VIPR2: variants seen among roughly 807,000 people sequenced by gnomAD.
VIPR2 encodes the protein vasoactive intestinal polypeptide receptor 2.
VIPR2 carries 48 observed loss-of-function variants against 58.0 expected under a neutral mutation model. The observed-to-expected ratio is 0.83, with a 90% CI of 0.66 to 1.05. The LOEUF is 1.05. Ranked by LOEUF, VIPR2 falls within the 50% of genes least tolerant of loss-of-function variation. The pLI is 0.00. For synonymous variants in VIPR2, 243 were observed against 235.2 expected (o/e 1.03, Z -0.30); for missense variants, 534 against 558.0 (o/e 0.96, Z 0.43).
intron 2 of VIPR2, among the ~76,000 whole-genome samples, chr7:159,138,255 G>A (rs1386222939): frequency 6.6e-6 from 1 of 152,198 alleles, no homozygotes; most frequent in Non-Finnish European, 1.5e-5. Flanking sequence ...GACACTGTCT[G>A]GTTTCCTCTG....
chr7:159,091,755 G>T (rs1194608011), intron 4 of VIPR2, among the ~76,000 whole-genome samples: 1 of 152,216 alleles, frequency 6.6e-6, no homozygotes, highest in East Asian at 1.9e-4. Context: ...CTGGGAGCCT[G>T]CCTGGCCCTG....
At chr7:159,131,097 G>A (rs1186818714) in intron 2 of VIPR2, among the ~76,000 whole-genome samples, 1 of 152,140 alleles carries the variant, frequency 6.6e-6, no homozygotes, top group African/African-American at 2.4e-5. Context: ...GTGTGATAGG[G>A]GAGACTCTAG....
intron 2 of VIPR2, among the ~76,000 whole-genome samples, chr7:159,117,569 G>A (rs749872805): frequency 3.3e-5 from 5 of 152,240 alleles, no homozygotes; most frequent in Non-Finnish European, 4.4e-5. Flanking sequence ...TTGCCACGCA[G>A]CTCATGCTCT....
intron 4 of VIPR2, among the ~76,000 whole-genome samples, chr7:159,073,384 T>C (rs1218036739): frequency 6.6e-6 from 1 of 152,170 alleles, no homozygotes; most frequent in Non-Finnish European, 1.5e-5. Flanking sequence ...ATGAAAAAAA[T>C]GCTTATCCCA....
chr7:159,130,789 G>C (rs1796880164), intron 2 of VIPR2, among the ~76,000 whole-genome samples: 1 of 152,248 alleles, frequency 6.6e-6, no homozygotes, highest in Non-Finnish European at 1.5e-5. Flanking sequence ...GAACCCATCA[G>C]GTGGTTACAT....
At chr7:159,142,390 C>T (rs971701638) in intron 2 of VIPR2, 56 bp downstream of exon 2, 155 of 1,334,338 alleles carry the variant, frequency 1.2e-4, no homozygotes, top group South Asian at 5.3e-4. Flanking sequence ...CTGAGTGAGG[C>T]GCATTCCCGG....
Position 159,043,164 on chromosome 7 carries a change from G to A in VIPR2, c.468C>T (p.Cys156=). Residue 156 remains cysteine, a synonymous_variant, in exon 6 of 13, where the codon TGC becomes TGT. Coordinates refer to ENST00000262178, the MANE Select transcript of VIPR2 (RefSeq NM_003382.5). Reference sequence around the variant, plus strand: ...GGTTCAGGTGGATGTAATTCCTGGTGCAGTGCAGCTTCCTGAGGTGGGGGA... The same window carrying A: ...GGTTCAGGTGGATGTAATTCCTGGTACAGTGCAGCTTCCTGAGGTGGGGGA... ...IILCLFRKLH[C]TRNYIHLNLF... 6.2e-7 allele frequency: 1 copy of A among 1,613,106 alleles called. No homozygotes were observed. Among genetic ancestry groups the A allele is most frequent in the Non-Finnish European group, 8.5e-7 (1 of 1,179,624 alleles).
chr7:159,144,674 G>A lies in VIPR2; in HGVS notation c.51+47C>T. 1.5e-6 allele frequency: 2 copies of A among 1,349,666 alleles called. 1 individual carries two copies. Among genetic ancestry groups the A allele is most frequent in the South Asian group, 3.8e-5 (2 of 53,094 alleles). 83.6% of individuals were successfully genotyped at this position (1,349,666 alleles called of 1,614,324 possible). A position where few individuals can be genotyped will look rare whatever the true frequency, so the allele number is the denominator to read the frequency against. Reference sequence around the variant, plus strand: ...GAGGAGCGCTCTTCTCGGAAGGGGAGAACCGGGTCCGAGGCGCCGTGGGGC... The same window carrying A: ...GAGGAGCGCTCTTCTCGGAAGGGGAAAACCGGGTCCGAGGCGCCGTGGGGC... On this transcript the variant is annotated intron_variant, in intron 1 of 12. Coordinates refer to ENST00000262178, the MANE Select transcript of VIPR2 (RefSeq NM_003382.5).
chr7:159,037,323 G>A (rs1331479992), intron 6 of VIPR2, among the ~76,000 whole-genome samples: 4 of 152,210 alleles, frequency 2.6e-5, no homozygotes, highest in Non-Finnish European at 5.9e-5. Flanking sequence ...CAGAAGAGCC[G>A]GCAGGAGGTC....
At chr7:159,037,197 G>A (rs1345919963) in intron 6 of VIPR2, among the ~76,000 whole-genome samples, 8 of 152,186 alleles carry the variant, frequency 5.3e-5, no homozygotes, top group African/African-American at 1.9e-4. Flanking sequence ...TAGACAGGCC[G>A]CACAGCTCCC....
At chr7:159,046,115 T>C (rs1014640161) in intron 5 of VIPR2, among the ~76,000 whole-genome samples, 8 of 152,142 alleles carry the variant, frequency 5.3e-5, no homozygotes, top group Non-Finnish European at 1.2e-4. Context: ...AACCCTCATA[T>C]ATTGCTAGTG....
At chr7:159,080,704 A>G (rs998144820) in intron 4 of VIPR2, among the ~76,000 whole-genome samples, 2 of 152,220 alleles carry the variant, frequency 1.3e-5, no homozygotes, top group Admixed American at 6.5e-5. Context: ...ACATGATTGT[A>G]TATCTAGAAA....
intron 4 of VIPR2, among the ~76,000 whole-genome samples, chr7:159,069,765 T>C (rs1856286025): frequency 6.6e-6 from 1 of 152,188 alleles, no homozygotes; most frequent in East Asian, 1.9e-4. Context: ...ATGTAACCCA[T>C]ACTTTTTAGA....
intron 5 of VIPR2, among the ~76,000 whole-genome samples, chr7:159,049,536 C>T (rs372003043): frequency 1.3e-4 from 20 of 152,196 alleles, no homozygotes; most frequent in Non-Finnish European, 1.8e-4. Flanking sequence ...CAGCCTCACC[C>T]GCCACAGCAG....
chr7:159,086,488 C>T (rs553586267), intron 4 of VIPR2, among the ~76,000 whole-genome samples: 56 of 152,368 alleles, frequency 3.7e-4, no homozygotes, highest in African/African-American at 1.3e-3. Flanking sequence ...TGGCTGAGAC[C>T]TGCCACATGG....
Position 159,029,846 on chromosome 7 carries a change from AAG to A in VIPR2, c.*768_*769del, listed in dbSNP as rs1025897273. 1.3e-5 allele frequency: 2 copies of A among 152,332 alleles called. No homozygotes were observed. Among genetic ancestry groups the A allele is most frequent in the Non-Finnish European group, 2.9e-5 (2 of 68,212 alleles). 9.4% of individuals were successfully genotyped at this position (152,332 alleles called of 1,614,324 possible). A position where few individuals can be genotyped will look rare whatever the true frequency, so the allele number is the denominator to read the frequency against. ...CTCAGCCGGGCCGGGTGGGCGCCCC[AAG>A]AGAGAGGACGGGCTGCCCTCCTGTT... On this transcript the variant is annotated 3_prime_UTR_variant, in exon 13 of 13. Transcript: ENST00000262178.
At chr7:159,044,065 G>A (rs192576461) in intron 5 of VIPR2, among the ~76,000 whole-genome samples, 6 of 152,334 alleles carry the variant, frequency 3.9e-5, no homozygotes, top group Admixed American at 3.3e-4. Flanking sequence ...AGCAGGCAGC[G>A]AGAGCTAAGG....
chr7:159,100,829 G>C (rs957780358), intron 4 of VIPR2, among the ~76,000 whole-genome samples: 2 of 151,098 alleles, frequency 1.3e-5, no homozygotes, highest in Admixed American at 6.6e-5. Flanking sequence ...GGTCTCACGA[G>C]ATCTGACGAG....
chr7:159,106,984 A>G (rs552391355), intron 3 of VIPR2, among the ~76,000 whole-genome samples: 17 of 148,596 alleles, frequency 1.1e-4, no homozygotes, highest in Non-Finnish European at 2.1e-4. Context: ...GAGGCCATCC[A>G]GGGGCAGAGA....
Sources: gnomAD v4.1 joint callset for allele counts (sites outside exome capture counted in the v4.1 genomes callset) on GRCh38, gnomAD v4.1.1 for gene constraint, MANE v1.5 for transcripts, NCBI Gene and HGNC (gene_info 2026-07-23, HGNC 2026-07-21) for gene names.